DNAH5: variants seen among roughly 807,000 people sequenced by gnomAD.
DNAH5 encodes dynein axonemal heavy chain 5, also known as axonemal beta dynein heavy chain 5.
DNAH5 carries 372 observed loss-of-function variants against 518.2 expected under a neutral mutation model. That is an observed-to-expected ratio of 0.72 (90% CI 0.66 to 0.78). The LOEUF (loss-of-function observed/expected upper bound fraction) is 0.78. Ranked by LOEUF, DNAH5 falls within the 30% of genes least tolerant of loss-of-function variation. DNAH5 has a pLI of 0.00. For missense variants in DNAH5, 5,523 were observed against 5,687.0 expected, an observed-to-expected ratio of 0.97 and a Z score of 0.93; for synonymous variants, 2,039 against 2,025.9, an observed-to-expected ratio of 1.01 and a Z score of -0.17.
chr5:13,893,819 C>T (rs576113286), intron 16 of DNAH5, among the ~76,000 whole-genome samples: 2 of 151,224 alleles, frequency 1.3e-5, no homozygotes, highest in Admixed American at 1.3e-4. Flanking sequence ...GCAAGACTCA[C>T]TCTGGGCTAT....
At chr5:13,697,862 A>C (rs898333522) in intron 78 of DNAH5, among the ~76,000 whole-genome samples, 5 of 152,174 alleles carry the variant, frequency 3.3e-5, no homozygotes, top group Admixed American at 3.3e-4. Flanking sequence ...AATATTTCTC[A>C]CAGAACTCCT....
chr5:13,836,255 C>A (rs775764399), intron 35 of DNAH5, among the ~76,000 whole-genome samples: 1 of 152,162 alleles, frequency 6.6e-6, no homozygotes, highest in Non-Finnish European at 1.5e-5. Context: ...AACCAACAGA[C>A]ATGTCACATA....
intron 1 of DNAH5, among the ~76,000 whole-genome samples, chr5:13,960,444 C>A (rs1209102312): frequency 1.3e-5 from 2 of 152,208 alleles, no homozygotes; most frequent in South Asian, 2.1e-4. Context: ...TGTGCAAAAA[C>A]TGGCCCATTG....
In DNAH5 at chr5:13,770,903, A is replaced by G. The variant is rs1286136538; in HGVS notation, c.9451T>C (p.Ser3151Pro). Reference sequence around the variant, plus strand: ...TTCTCAGCCACCCCATCCTGGAAGGAGCCCATGCATTGGACCACCTCCTTC... The same window carrying G: ...TTCTCAGCCACCCCATCCTGGAAGGGGCCCATGCATTGGACCACCTCCTTC... ...IKKEVVQCMG[S>P]FQDGVAEKCV... The change falls in exon 56 of 79, where the codon TCC becomes CCC. Residue 3151 changes from serine to proline, a missense_variant. Ser to Pro is a moderately conservative substitution (Grantham distance 74). Transcript: ENST00000265104. The G allele has an allele frequency of 1.2e-6, 2 of 1,614,156 alleles. No individual in the cohort carries two copies. The highest frequency in any genetic ancestry group is 8.5e-7 in the Non-Finnish European group (1 of 1,180,000).
At chr5:13,851,658 T>TATATACC (rs1270493801) in intron 30 of DNAH5, among the ~76,000 whole-genome samples, 1 of 151,944 alleles carries the variant, frequency 6.6e-6, no homozygotes, top group Non-Finnish European at 1.5e-5. Flanking sequence ...CACCAATGAG[T>TATATACC]ATATACCATC....
chr5:13,928,307 T>C, intron 2 of DNAH5, 129 bp from the exon 3 acceptor site: 1 of 665,186 alleles, frequency 1.5e-6, no homozygotes, highest in African/African-American at 1.8e-5. Context: ...CTGCATCTAA[T>C]GTATCCTATA....
At chr5:13,911,833 G>A (rs1237314105) in intron 11 of DNAH5, among the ~76,000 whole-genome samples, 1 of 152,058 alleles carries the variant, frequency 6.6e-6, no homozygotes, top group Non-Finnish European at 1.5e-5. Flanking sequence ...GCCCAGAGTA[G>A]AATTTACTAA....
At chr5:13,844,710 T>C in intron 32 of DNAH5, 127 bp downstream of exon 32, 1 of 1,208,374 alleles carries the variant, frequency 8.3e-7, no homozygotes, top group Non-Finnish European at 1.2e-6. Context: ...TTGTTTTTAG[T>C]CACTGGCCAA....
chr5:13,738,988 G>A (rs1748002201), intron 65 of DNAH5, among the ~76,000 whole-genome samples: 1 of 151,986 alleles, frequency 6.6e-6, no homozygotes, highest in Non-Finnish European at 1.5e-5. Flanking sequence ...GTAAAATACG[G>A]GGAAACCAGG....
chr5:13,968,645 T>G (rs1292203395), intron 1 of DNAH5, among the ~76,000 whole-genome samples: 2 of 152,366 alleles, frequency 1.3e-5, no homozygotes, highest in Non-Finnish European at 2.9e-5. Flanking sequence ...AAACCATCCC[T>G]GAATCCCTGG....
Position 13,908,651 on chromosome 5 carries a change from T to C in DNAH5, c.1644+2735A>G, listed in dbSNP as rs562810638. ...TGCCACCTCAACACCCATCCTTTAC[T>C]AAGTAGTGCCTTCTCCATCTGCTGG... On this transcript the variant is annotated intron_variant, in intron 12 of 78. Transcript: ENST00000265104. 6.6e-5 allele frequency among the ~76,000 whole-genome samples: 10 copies of C among 152,320 alleles called. No individual in the cohort carries two copies. The South Asian group carries it at 2.1e-3, about 32-fold the overall frequency.
intron 32 of DNAH5, among the ~76,000 whole-genome samples, chr5:13,842,433 A>AGAGAGAGAGAGAGAGAGAGAGAGAGAGAG (rs1561407131): frequency 3.2e-5 from 2 of 61,864 alleles, no homozygotes; most frequent in East Asian, 8.1e-4. Context: ...AAAAGAAAGA[A>AGAGAGAGAGAGAGAGAGAGAGAGAGAGAG]AGAAAGAAAG....
chr5:13,962,764 A>T (rs1024002590), intron 1 of DNAH5, among the ~76,000 whole-genome samples: 2 of 152,132 alleles, frequency 1.3e-5, no homozygotes, highest in Non-Finnish European at 2.9e-5. Flanking sequence ...TCCTACTAAA[A>T]CTGGGCTTGG....
At position 13,758,995 on chromosome 5, in the gene DNAH5, A is replaced by G; in HGVS notation, c.10282-12T>C. 1 of 1,614,074 alleles carries G rather than the reference A, an allele frequency of 6.2e-7. No homozygotes were observed. The highest frequency in any genetic ancestry group is 8.5e-7 in the Non-Finnish European group (1 of 1,179,998). ...ACCACCAAGTTGGCCTGCACAGGAC[A>G]CACACAGAGTGAAGAGATGGGCAGC... On this transcript the variant is annotated splice_polypyrimidine_tract_variant and intron_variant, in intron 60 of 78. Transcript: ENST00000265104.
At chr5:13,835,156 G>A (rs561887428) in intron 35 of DNAH5, among the ~76,000 whole-genome samples, 6 of 152,036 alleles carry the variant, frequency 3.9e-5, no homozygotes, top group African/African-American at 1.2e-4. Flanking sequence ...ATGATGGCAC[G>A]CACCTGTAGT....
chr5:13,754,867 C>T (rs770149097), intron 61 of DNAH5, among the ~76,000 whole-genome samples: 40 of 151,882 alleles, frequency 2.6e-4, no homozygotes, highest in Non-Finnish European at 3.1e-4. Context: ...CAAATGGTTC[C>T]GGTGGCTCAC....
At chr5:13,987,330 G>A (rs999540422) in intron 1 of DNAH5, among the ~76,000 whole-genome samples, 4 of 152,082 alleles carry the variant, frequency 2.6e-5, no homozygotes, top group East Asian at 3.9e-4. Flanking sequence ...ATATAGTAGA[G>A]ATGAAAAAGT....
chr5:13,952,823 C>G (rs1005914255), intron 1 of DNAH5, among the ~76,000 whole-genome samples: 15 of 152,132 alleles, frequency 9.9e-5, no homozygotes, highest in African/African-American at 3.1e-4. Context: ...CACTCTGTTG[C>G]CCAGGTTGGA....
At chr5:13,873,412 C>A (rs1441136300) in intron 22 of DNAH5, among the ~76,000 whole-genome samples, 1 of 151,976 alleles carries the variant, frequency 6.6e-6, no homozygotes, top group African/African-American at 2.4e-5. Flanking sequence ...TTGTGTCTGC[C>A]TCAATCTTGT....
Sources: gnomAD v4.1 joint callset for allele counts (sites outside exome capture counted in the v4.1 genomes callset) on GRCh38, gnomAD v4.1.1 for gene constraint, MANE v1.5 for transcripts, NCBI Gene and HGNC (gene_info 2026-07-23, HGNC 2026-07-21) for gene names.